GPAT4: variants seen among roughly 807,000 people sequenced by gnomAD.
The protein encoded by GPAT4 is glycerol-3-phosphate acyltransferase 4.
In GPAT4, 17 loss-of-function variants were observed where a neutral mutation model predicts 58.0. The ratio of observed to expected loss-of-function variants is 0.29; its 90% confidence interval spans 0.20 to 0.44. The LOEUF (loss-of-function observed/expected upper bound fraction) is 0.44, where lower values mean the gene tolerates loss of function less well. Among genes scored for constraint, GPAT4 ranks in the 20% least tolerant of loss-of-function variants. The pLI, the probability that GPAT4 is intolerant of heterozygous loss-of-function variation, is 1.00. For synonymous variants in GPAT4, 204 were observed against 210.1 expected (o/e 0.97, Z 0.25); for missense variants, 377 against 574.5 (o/e 0.66, Z 3.51).
intron 10 of GPAT4, 132 bp from the exon 11 acceptor site, chr8:41,618,552 A>T: frequency 3.5e-6 from 4 of 1,138,296 alleles, no homozygotes; most frequent in South Asian, 2.8e-5. Context: ...CTTCCACAGT[A>T]CTCATGCAAG....
intron 1 of GPAT4, among the ~76,000 whole-genome samples, chr8:41,583,342 A>G (rs1350829153): frequency 6.6e-6 from 1 of 151,972 alleles, no homozygotes; most frequent in Non-Finnish European, 1.5e-5. Flanking sequence ...CCATTAACCA[A>G]GCTCTCAACG....
intron 2 of GPAT4, among the ~76,000 whole-genome samples, chr8:41,600,975 C>T (rs1803070545): frequency 6.6e-6 from 1 of 152,062 alleles, no homozygotes; most frequent in Non-Finnish European, 1.5e-5. Flanking sequence ...TTATATTTTA[C>T]TGTATGTCTC....
intron 2 of GPAT4, among the ~76,000 whole-genome samples, chr8:41,606,107 A>G (rs1296805097): frequency 3.3e-5 from 5 of 152,204 alleles, no homozygotes; most frequent in Non-Finnish European, 5.9e-5. Context: ...TTTATCATAA[A>G]GCTATACATG....
At chr8:41,613,089 T>C (rs1234842554) in intron 8 of GPAT4, 129 bp downstream of exon 8, 3 of 740,332 alleles carry the variant, frequency 4.1e-6, no homozygotes, top group Non-Finnish European at 6.2e-6. Context: ...TAATAATTTT[T>C]TCCTAAAACA....
intron 1 of GPAT4, among the ~76,000 whole-genome samples, chr8:41,589,548 T>C (rs904053412): frequency 6.6e-6 from 1 of 151,744 alleles, no homozygotes; most frequent in Admixed American, 6.6e-5. Flanking sequence ...TCTTTGTTTT[T>C]TGCATCTGTT....
chr8:41,624,193 G>C lies in GPAT4; in HGVS notation c.*3192G>C, dbSNP rs1803844746. 6.6e-6 allele frequency: 1 copy of C among 152,226 alleles called. No individual in the cohort carries two copies. Among genetic ancestry groups the C allele is most frequent in the Admixed American group, 6.5e-5 (1 of 15,274 alleles). The allele number at this position is 152,226 out of a possible 1,614,324, so 9.4% of individuals were successfully genotyped here. On this transcript the variant is annotated 3_prime_UTR_variant, in exon 13 of 13. Transcript: ENST00000396987. ...TTCCCTTGACAGCAGAACCAGCCTT[G>C]GGACTTGATGCTTCACCGTGTCAGA...
At chr8:41,614,561 T>C (rs779987844) in intron 9 of GPAT4, 120 bp downstream of exon 9, 39 of 984,152 alleles carry the variant, frequency 4.0e-5, no homozygotes, top group Non-Finnish European at 5.3e-5. Flanking sequence ...CACTGAATAA[T>C]GTTAGGTCCC....
In GPAT4 at chr8:41,595,325, CTTTTTTTTT is replaced by C. The variant is rs61465079; in HGVS notation, c.-848-2947_-848-2939del. On this transcript the variant is annotated intron_variant, in intron 1 of 12. Transcript: ENST00000396987. Reference sequence around the variant, plus strand: ...TTTCAGTGGTTAATGTTAAATCTTCCTTTTTTTTTTTTTTTTTTTTTTTTTTTTACTTAG... The same window carrying C: ...TTTCAGTGGTTAATGTTAAATCTTCCTTTTTTTTTTTTTTTTTTTACTTAG... Among the ~76,000 whole-genome samples, 74 of 73,846 alleles carry C rather than the reference CTTTTTTTTT, an allele frequency of 1.0e-3. 1 individual carries two copies. The South Asian group carries it at 0.022, about 22-fold the overall frequency. 48.4% of individuals were successfully genotyped at this position (73,846 alleles called of 152,430 possible). A position where few individuals can be genotyped will look rare whatever the true frequency, so the allele number is the denominator to read the frequency against.
chr8:41,622,453 G>T lies in GPAT4; in HGVS notation c.*1452G>T, dbSNP rs982886045. 6.6e-6 allele frequency: 1 copy of T among 152,350 alleles called. No homozygotes were observed. The highest frequency in any genetic ancestry group is 2.4e-5 in the African/African-American group (1 of 41,446). The allele number at this position is 152,350 out of a possible 1,614,324, so 9.4% of individuals were successfully genotyped here. On this transcript the variant is annotated 3_prime_UTR_variant, in exon 13 of 13. Transcript: ENST00000396987. ...CCAAGCAGCCCCTGTGGGTTCTGGG[G>T]TTTCACCAGTTTCATGCTCCTCAGC...
intron 1 of GPAT4, among the ~76,000 whole-genome samples, chr8:41,590,821 A>T (rs539941689): frequency 6.6e-6 from 1 of 152,286 alleles, no homozygotes; most frequent in African/African-American, 2.4e-5. Context: ...GTACAGAGGA[A>T]CTGGGTCTGC....
chr8:41,605,571 TTTGTTTGTTTGTTTG>T (rs1442120016), intron 2 of GPAT4, among the ~76,000 whole-genome samples: 2 of 127,462 alleles, frequency 1.6e-5, no homozygotes, highest in African/African-American at 6.0e-5. Context: ...TGTTTGTTTG[TTTGTTTGTTTGTTTG>T]TTTTTTGAGA....
At chr8:41,583,366 G>A (rs907528059) in intron 1 of GPAT4, among the ~76,000 whole-genome samples, 1 of 151,418 alleles carries the variant, frequency 6.6e-6, no homozygotes, top group Non-Finnish European at 1.5e-5. Flanking sequence ...ACCCTTCCCA[G>A]CTGCTGGTAT....
intron 2 of GPAT4, among the ~76,000 whole-genome samples, chr8:41,601,040 A>C (rs1404333486): frequency 6.6e-6 from 1 of 151,988 alleles, no homozygotes; most frequent in Admixed American, 6.5e-5. Flanking sequence ...GGCTGTTTCT[A>C]CCTTCTCTGG....
intron 9 of GPAT4, among the ~76,000 whole-genome samples, 196 bp from the exon 10 acceptor site, chr8:41,614,767 T>C (rs1465657612): frequency 6.6e-6 from 1 of 152,192 alleles, no homozygotes; most frequent in Non-Finnish European, 1.5e-5. Context: ...AAAGTGGTCC[T>C]GTAGAAAGAG....
intron 1 of GPAT4, among the ~76,000 whole-genome samples, chr8:41,596,625 A>G (rs1409263440): frequency 1.3e-5 from 2 of 152,220 alleles, no homozygotes; most frequent in African/African-American, 4.8e-5. Flanking sequence ...TTGCCTACCC[A>G]GGAGCGCTCT....
rs201979266 is a variant in GPAT4 at position 41,612,284 on chromosome 8, T to C, written c.795+11T>C. On this transcript the variant is annotated intron_variant, in intron 7 of 12. Transcript: ENST00000396987. ...GGCTATTATGCCATGGTAAGAGCTCTTTCCGGTGCGTTCTTGAGGCAAGAC... is the reference window on the plus strand; with the variant it reads ...GGCTATTATGCCATGGTAAGAGCTCCTTCCGGTGCGTTCTTGAGGCAAGAC... The C allele has an allele frequency of 1.0e-3, 1,663 of 1,614,020 alleles. 22 individuals are homozygous for C. Among genetic ancestry groups the C allele is most frequent in the Middle Eastern group, 5.0e-3 (30 of 6,060 alleles).
chr8:41,587,064 T>C (rs1802672569), intron 1 of GPAT4, among the ~76,000 whole-genome samples: 1 of 152,246 alleles, frequency 6.6e-6, no homozygotes, highest in African/African-American at 2.4e-5. Context: ...CTGCCATCTG[T>C]GCATGGATAC....
rs1180192177 is a variant in GPAT4, at chr8:41,581,036, ATTGT to A, written c.-849+2766_-849+2769del. On this transcript the variant is annotated intron_variant, in intron 1 of 12. Transcript: ENST00000396987. The stretch of plus-strand genomic sequence containing the variant: ...GGTTAAACATGAACTGTACTGCAGA[ATTGT>A]TTGTTTGGGTAAAGTAGAACCTCAT... Among the ~76,000 whole-genome samples the A allele has an allele frequency of 2.0e-5, 3 of 152,230 alleles. No individual in the cohort carries two copies. The East Asian group carries it at 5.8e-4, about 29-fold the overall frequency.
chr8:41,607,393 A>C (rs938145524), intron 2 of GPAT4, among the ~76,000 whole-genome samples: 2 of 152,200 alleles, frequency 1.3e-5, no homozygotes, highest in Non-Finnish European at 2.9e-5. Context: ...TCCCATGATC[A>C]CAGAGCCTGC....
Sources: allele counts gnomAD v4.1 joint callset (sites outside exome capture counted in the v4.1 genomes callset), GRCh38; gene constraint gnomAD v4.1.1; transcripts MANE v1.5; gene names NCBI Gene and HGNC (gene_info 2026-07-23, HGNC 2026-07-21).